The following SDK1 variants were observed in gnomAD, a reference collection of about 807,000 sequenced individuals.
The protein encoded by SDK1 is sidekick cell adhesion molecule 1.
A neutral mutation model predicts 245.5 loss-of-function variants in SDK1; 157 were observed. The observed-to-expected ratio is 0.64, with a 90% CI of 0.56 to 0.73. The LOEUF is 0.73. Ranked by LOEUF, SDK1 falls within the 30% of genes least tolerant of loss-of-function variation. The pLI is 0.00. For synonymous variants in SDK1, 1,647 were observed against 1,278.5 expected (o/e 1.29, Z -6.15); for missense variants, 3,583 against 3,002.3 (o/e 1.19, Z -4.52).
chr7:3,314,971 G>A (rs1044862648), intron 1 of SDK1, among the ~76,000 whole-genome samples: 1 of 151,906 alleles, frequency 6.6e-6, no homozygotes, highest in African/African-American at 2.4e-5. Flanking sequence ...AACATTGGGA[G>A]TCCTAACCCA....
chr7:3,553,325 A>G (rs1314163958), intron 1 of SDK1, among the ~76,000 whole-genome samples: 1 of 152,292 alleles, frequency 6.6e-6, no homozygotes, highest in Admixed American at 6.5e-5. Flanking sequence ...GAAATTTAAG[A>G]CTTCTAGCTT....
At chr7:3,545,963 G>C (rs1779212924) in intron 1 of SDK1, among the ~76,000 whole-genome samples, 1 of 152,194 alleles carries the variant, frequency 6.6e-6, no homozygotes, top group African/African-American at 2.4e-5. Context: ...CCTCGTCATT[G>C]AAAGAAAGAC....
intron 1 of SDK1, chr7:3,476,053 C>T (rs960261534): frequency 6.5e-6 from 1 of 152,672 alleles, no homozygotes. Context: ...TTTTAAAACC[C>T]ATATTTTAAA....
chr7:4,170,777 A>T (rs1781792044), intron 32 of SDK1, among the ~76,000 whole-genome samples: 1 of 152,148 alleles, frequency 6.6e-6, no homozygotes, highest in Non-Finnish European at 1.5e-5. Flanking sequence ...AGACTGTCTG[A>T]CATGCCCAGC....
chr7:4,245,698 G>T lies in SDK1; in HGVS notation c.6274G>T (p.Gly2092Cys). The T allele has an allele frequency of 1.2e-6, 2 of 1,613,946 alleles. No homozygotes were observed. The highest frequency in any genetic ancestry group is 1.7e-6 in the Non-Finnish European group (2 of 1,179,980). ...GTRSPPRPSPGGLHYSDEDIC... is the reference protein window; with the variant it reads ...GTRSPPRPSPCGLHYSDEDIC... ...TAGGTCCCCACCCCGGCCTAGCCCC[G>T]GCGGCCTGCACTACTCAGACGAGGA... The change falls in exon 44 of 45, where the codon GGC becomes TGC. Residue 2092 changes from glycine to cysteine, a missense_variant. Transcript: ENST00000404826.
At position 4,021,252 on chromosome 7, in the gene SDK1, A is replaced by G. The variant is rs115641727; in HGVS notation, c.2602+3900A>G. Among the ~76,000 whole-genome samples, 764 of 152,296 alleles carry G rather than the reference A, an allele frequency of 5.0e-3. 2 individuals carry two copies. The highest frequency in any genetic ancestry group is 0.018 in the African/African-American group (745 of 41,564). On this transcript the variant is annotated intron_variant, in intron 17 of 44. Transcript: ENST00000404826. ...AGTAGAAAAGAAATCAGCCTCACTCATGCACGGTCACCCCTCATCTATCCA... is the reference window on the plus strand; with the variant it reads ...AGTAGAAAAGAAATCAGCCTCACTCGTGCACGGTCACCCCTCATCTATCCA...
chr7:3,532,640 C>G (rs1012298628), intron 1 of SDK1, among the ~76,000 whole-genome samples: 6 of 152,144 alleles, frequency 3.9e-5, no homozygotes, highest in Non-Finnish European at 2.9e-5. Flanking sequence ...TTATTAGGAA[C>G]ATAGTTAGTA....
At chr7:3,691,909 C>T (rs954917954) in intron 4 of SDK1, among the ~76,000 whole-genome samples, 6 of 152,070 alleles carry the variant, frequency 3.9e-5, no homozygotes, top group African/African-American at 1.4e-4. Context: ...TTATCTGAGC[C>T]TTTTATCCTG....
rs1274888903 is a variant in SDK1, at chr7:4,158,485, G to T, written c.4663G>T (p.Ala1555Ser). 1.2e-6 allele frequency: 2 copies of T among 1,613,822 alleles called. No homozygotes were observed. Among genetic ancestry groups the T allele is most frequent in the African/African-American group, 1.3e-5 (1 of 75,064 alleles). Residue 1555 changes from alanine (A) to serine (S), a missense_variant, in exon 31 of 45, where the codon GCC (alanine) becomes TCC (serine). Coordinates refer to ENST00000404826, the MANE Select transcript of SDK1 (RefSeq NM_152744.4). ...CACCTCCTACAAGCTGCGCCTGAAA[G>T]CCACCAACGACATTGGGGACAGTGA... ...PFTSYKLRLK[A>S]TNDIGDSDFS...
intron 4 of SDK1, among the ~76,000 whole-genome samples, chr7:3,706,922 C>A (rs1193418091): frequency 1.3e-5 from 2 of 152,234 alleles, no homozygotes; most frequent in African/African-American, 4.8e-5. Flanking sequence ...AGTTTTATTA[C>A]TAATTGAGTT....
chr7:3,570,000 A>C (rs893573759), intron 1 of SDK1, among the ~76,000 whole-genome samples: 1 of 152,084 alleles, frequency 6.6e-6, no homozygotes, highest in African/African-American at 2.4e-5. Context: ...TTCTCTTACC[A>C]GTCTGTTTTC....
At chr7:4,254,225 C>G (rs1216063090) in intron 44 of SDK1, among the ~76,000 whole-genome samples, 1 of 150,778 alleles carries the variant, frequency 6.6e-6, no homozygotes, top group African/African-American at 2.4e-5. Flanking sequence ...GCTTTTTTCT[C>G]TTTCTCCTCT....
At chr7:3,736,198 G>A (rs573691253) in intron 4 of SDK1, among the ~76,000 whole-genome samples, 2 of 152,008 alleles carry the variant, frequency 1.3e-5, no homozygotes, top group African/African-American at 2.4e-5. Context: ...ATTTTCATGT[G>A]GTACATTTTA....
intron 4 of SDK1, among the ~76,000 whole-genome samples, chr7:3,744,471 G>A (rs777789539): frequency 1.3e-5 from 2 of 151,846 alleles, no homozygotes; most frequent in Non-Finnish European, 2.9e-5. Flanking sequence ...AACCTAGCAA[G>A]GAATATCATC....
chr7:3,855,557 A>G (rs555545169), intron 5 of SDK1, among the ~76,000 whole-genome samples: 80 of 152,154 alleles, frequency 5.3e-4, no homozygotes, highest in Non-Finnish European at 9.1e-4. Context: ...AGGAGAAATA[A>G]TGTATGTAAA....
chr7:3,721,760 A>G (rs1778812374), intron 4 of SDK1, among the ~76,000 whole-genome samples: 1 of 152,182 alleles, frequency 6.6e-6, no homozygotes, highest in South Asian at 2.1e-4. Context: ...CAGGACCATA[A>G]GAAAAGAGAA....
At chr7:4,175,687 A>G in intron 33 of SDK1, 88 bp from the exon 34 acceptor site, 3 of 1,093,780 alleles carry the variant, frequency 2.7e-6, no homozygotes, top group Non-Finnish European at 4.2e-6. Context: ...CCAGTAAGGC[A>G]CCTGTCTCCC....
chr7:3,916,516 G>A (rs1779385864), intron 5 of SDK1, among the ~76,000 whole-genome samples: 1 of 152,172 alleles, frequency 6.6e-6, no homozygotes, highest in African/African-American at 2.4e-5. Context: ...AAAGATGATG[G>A]AAAGTCAACT....
At chr7:3,591,264 A>G (rs1385098547) in intron 1 of SDK1, among the ~76,000 whole-genome samples, 1 of 152,146 alleles carries the variant, frequency 6.6e-6, no homozygotes, top group Non-Finnish European at 1.5e-5. Flanking sequence ...GCAGTGTCAT[A>G]ATACTGAGTG....
Sources: gnomAD v4.1 joint callset for allele counts (sites outside exome capture counted in the v4.1 genomes callset) on GRCh38, gnomAD v4.1.1 for gene constraint, MANE v1.5 for transcripts, NCBI Gene and HGNC (gene_info 2026-07-23, HGNC 2026-07-21) for gene names.